Variants in KCNC4 observed in about 807,000 individuals in gnomAD.
KCNC4 encodes potassium voltage-gated channel subfamily C member 4.
KCNC4 carries 23 observed loss-of-function variants against 42.8 expected under a neutral mutation model. That is an observed-to-expected ratio of 0.54 (90% CI 0.39 to 0.76). The LOEUF (loss-of-function observed/expected upper bound fraction) is 0.76, where lower values mean the gene tolerates loss of function less well. Ranked by LOEUF, KCNC4 falls within the 30% of genes least tolerant of loss-of-function variation. The pLI is 0.00. For synonymous variants in KCNC4, 422 were observed against 393.5 expected, an observed-to-expected ratio of 1.07 and a Z score of -0.86; for missense variants, 751 against 898.2, an observed-to-expected ratio of 0.84 and a Z score of 2.10.
At chr1:110,266,022 C>T (rs555722021) in intron 1 of KCNC4, among the ~76,000 whole-genome samples, 6 of 152,174 alleles carry the variant, frequency 3.9e-5, no homozygotes, top group Non-Finnish European at 8.8e-5. Flanking sequence ...GAGCTAGGGA[C>T]AGGGTGGGGA....
At position 110,210,834 on chromosome 1, in the gene KCNC4, G is replaced by T. The variant is rs969591249; in HGVS notation, c.-666G>T. ...CTGCGCAGCCCCCGCCCGCCCGGCC[G>T]CCGCTCTCTGCTCTGCCCCGCCTGC... On this transcript the variant is annotated 5_prime_UTR_variant, in exon 1 of 4. Transcript: ENST00000438661. 1.3e-5 allele frequency among the ~76,000 whole-genome samples: 2 copies of T among 152,086 alleles called. No homozygotes were observed. The highest frequency in any genetic ancestry group is 3.9e-4 in the East Asian group (2 of 5,174).
At chr1:110,262,198 TA>T (rs1659467908) in intron 1 of KCNC4, among the ~76,000 whole-genome samples, 1 of 152,242 alleles carries the variant, frequency 6.6e-6, no homozygotes, top group African/African-American at 2.4e-5. Context: ...TACAAAGTTA[TA>T]AAAATATTTG....
At chr1:110,280,103 T>C (rs1179354768) in intron 1 of KCNC4, among the ~76,000 whole-genome samples, 2 of 152,086 alleles carry the variant, frequency 1.3e-5, no homozygotes, top group Admixed American at 6.6e-5. Context: ...CTATCATTTA[T>C]TGAGTGCTGT....
At chr1:110,241,435 C>T (rs1026861231) in exon 4 of KCNC4, 2 of 152,142 alleles carry the variant, frequency 1.3e-5, no homozygotes, top group African/African-American at 2.4e-5. Context: ...GCCTTGTTCT[C>T]TGTGATAGGA....
At chr1:110,281,097 C>A (rs1266225322) in intron 1 of KCNC4, among the ~76,000 whole-genome samples, 3 of 152,130 alleles carry the variant, frequency 2.0e-5, no homozygotes, top group Non-Finnish European at 4.4e-5. Context: ...TTCTGGATAG[C>A]AAGGTAAAGA....
chr1:110,283,760 A>T (rs1428158760), downstream of KCNC4, among the ~76,000 whole-genome samples: 1 of 152,144 alleles, frequency 6.6e-6, no homozygotes, highest in African/African-American at 2.4e-5. Flanking sequence ...TGAATTGTTA[A>T]TGCTTAGCTG....
chr1:110,249,747 A>G (rs1415111447), downstream of KCNC4, among the ~76,000 whole-genome samples: 1 of 152,230 alleles, frequency 6.6e-6, no homozygotes, highest in Non-Finnish European at 1.5e-5. Context: ...ATTGTTGCCA[A>G]ATAGACATAA....
chr1:110,255,791 A>C (rs1659319770), intron 1 of KCNC4, among the ~76,000 whole-genome samples: 1 of 152,148 alleles, frequency 6.6e-6, no homozygotes, highest in Admixed American at 6.6e-5. Context: ...GGTCCCTGGC[A>C]CCCTCAGAAG....
At chr1:110,258,978 C>G (rs12095126) in intron 1 of KCNC4, among the ~76,000 whole-genome samples, 3,995 of 152,334 alleles carry the variant, frequency 0.026, 167 homozygotes, top group African/African-American at 0.088. Flanking sequence ...GCATGCCCAT[C>G]TGGACTCAGA....
chr1:110,226,171 C>G lies in KCNC4; in HGVS notation c.1812C>G (p.Val604=), dbSNP rs1204925636. The G allele has an allele frequency of 6.2e-7, 1 of 1,614,080 alleles. No homozygotes were observed. Among genetic ancestry groups the G allele is most frequent in the Admixed American group, 1.7e-5 (1 of 60,028 alleles). The change falls in exon 3 of 4, where the codon GTC becomes GTG. Residue 604 remains valine (V), a synonymous_variant. Transcript: ENST00000438661. The part of the protein sequence containing the change: ...TGDYACADGS[V]RKETCQDALS... Reference sequence around the variant, plus strand: ...ACTATGCCTGCGCCGATGGTAGTGTCCGGAAAGGTATGGCTTCCCAAGCTG... The same window carrying G: ...ACTATGCCTGCGCCGATGGTAGTGTGCGGAAAGGTATGGCTTCCCAAGCTG...
At chr1:110,252,642 G>T (rs1163117066), downstream of KCNC4, among the ~76,000 whole-genome samples, 1 of 152,076 alleles carries the variant, frequency 6.6e-6, no homozygotes, top group Non-Finnish European at 1.5e-5. Flanking sequence ...GAATGGCTCT[G>T]GTACAATATC....
exon 4 of KCNC4, chr1:110,240,652 C>G (rs758614355): frequency 6.6e-6 from 1 of 152,344 alleles, no homozygotes; most frequent in Admixed American, 6.5e-5. Flanking sequence ...CTCAGAGGCC[C>G]GGAGGATCTG....
intron 3 of KCNC4, chr1:110,232,690 C>T (rs952904198): frequency 3.4e-6 from 5 of 1,485,000 alleles, no homozygotes; most frequent in Non-Finnish European, 3.6e-6. Context: ...CATCCATGCT[C>T]TTCCTGGCCT....
intron 1 of KCNC4, among the ~76,000 whole-genome samples, chr1:110,259,615 T>C (rs1279346039): frequency 6.6e-6 from 1 of 152,148 alleles, no homozygotes; most frequent in Non-Finnish European, 1.5e-5. Context: ...CCCTTCCCCT[T>C]CTTCCTGCCT....
intron 1 of KCNC4, among the ~76,000 whole-genome samples, chr1:110,266,129 C>T (rs1300812897): frequency 1.3e-5 from 2 of 152,136 alleles, no homozygotes; most frequent in East Asian, 1.9e-4. Flanking sequence ...CCAATTCCCC[C>T]GACAGCTCTG....
intron 2 of KCNC4, chr1:110,225,053 A>G (rs1276358869): frequency 6.6e-6 from 1 of 152,218 alleles, no homozygotes; most frequent in African/African-American, 2.4e-5. Flanking sequence ...TCCCCCACCA[A>G]AGTGGCACTG....
intron 3 of KCNC4, among the ~76,000 whole-genome samples, chr1:110,231,888 T>A (rs1400636224): frequency 6.6e-6 from 1 of 152,104 alleles, no homozygotes; most frequent in Non-Finnish European, 1.5e-5. Context: ...AGAAAGGTGA[T>A]GGAGGCACCC....
In KCNC4 at chr1:110,223,882, A is replaced by C; in HGVS notation, c.1597A>C (p.Ile533Leu). 6.3e-7 allele frequency: 1 copy of C among 1,597,118 alleles called. No individual in the cohort carries two copies. Among genetic ancestry groups the C allele is most frequent in the Non-Finnish European group, 8.5e-7 (1 of 1,169,638 alleles). Reference sequence around the variant, plus strand: ...CCCCCCTGCCCGGGAAGAGGGTATGATCGAGAGGAAACGGGCAGGTGAGAT... The same window carrying C: ...CCCCCCTGCCCGGGAAGAGGGTATGCTCGAGAGGAAACGGGCAGGTGAGAT... ...TSPPAREEGM[I>L]ERKRADSKQN... The change falls in exon 2 of 4, where the codon ATC (isoleucine) becomes CTC (leucine). Residue 533 changes from isoleucine to leucine, a missense_variant. Ile to Leu is a conservative substitution (Grantham distance 5). Transcript: ENST00000438661. This position sits in a 1 kb window ranked among gnomAD's most constrained non-coding sequence, Gnocchi z 7.5.
rs761460309 is a variant in KCNC4 at position 110,212,019 on chromosome 1, AGCGACGAGGCCG to A, written c.528_539del (p.Glu176_Asp179del). 1.9e-6 allele frequency: 3 copies of A among 1,599,604 alleles called. No homozygotes were observed. The highest frequency in any genetic ancestry group is 2.7e-5 in the African/African-American group (2 of 74,568). On this transcript the variant is annotated inframe_deletion, in exon 1 of 4. Coordinates refer to ENST00000438661, the MANE Select transcript of KCNC4 (RefSeq NM_001039574.3). ...CGGAGGCGGCAGCGGCGCGGGGCCC[AGCGACGAGGCCG>A]GCGACGATGAGCGGGAGCTGGCCCT...
Sources: gnomAD v4.1 joint callset for allele counts (sites outside exome capture counted in the v4.1 genomes callset) on GRCh38, gnomAD v4.1.1 for gene constraint, Gnocchi (gnomAD v3.1) non-coding constraint, MANE v1.5 for transcripts, NCBI Gene and HGNC (gene_info 2026-07-23, HGNC 2026-07-21) for gene names.